Variants in CNTNAP2 observed in about 807,000 individuals in gnomAD.
The protein encoded by CNTNAP2 is contactin-associated protein-like 2.
Under a neutral mutation model 155.2 loss-of-function variants are expected in CNTNAP2, and 98 were observed. The observed-to-expected ratio is 0.63, with a 90% CI of 0.54 to 0.75. The LOEUF (loss-of-function observed/expected upper bound fraction) is 0.75. Ranked by LOEUF, CNTNAP2 falls within the 30% of genes least tolerant of loss-of-function variation. The pLI is 0.00. For synonymous variants in CNTNAP2, 651 were observed against 631.2 expected (o/e 1.03, Z -0.47); for missense variants, 1,727 against 1,688.1 (o/e 1.02, Z -0.40).
At chr7:148,212,725 C>G (rs1795570917) in intron 18 of CNTNAP2, among the ~76,000 whole-genome samples, 1 of 152,062 alleles carries the variant, frequency 6.6e-6, no homozygotes, top group African/African-American at 2.4e-5. Context: ...TTTAGAATAT[C>G]TTTTAGATAT....
At chr7:147,212,155 T>C (rs950909194) in intron 8 of CNTNAP2, among the ~76,000 whole-genome samples, 7 of 152,098 alleles carry the variant, frequency 4.6e-5, no homozygotes, top group Non-Finnish European at 2.9e-5. Flanking sequence ...GGTAGGAATA[T>C]AAATTAGCCC....
At chr7:146,644,138 T>C (rs1017403811) in intron 1 of CNTNAP2, among the ~76,000 whole-genome samples, 1 of 152,210 alleles carries the variant, frequency 6.6e-6, no homozygotes, top group Non-Finnish European at 1.5e-5. Context: ...CTTTTCCTAA[T>C]TGAATACCCT....
chr7:146,738,215 T>C (rs963758911), intron 1 of CNTNAP2, among the ~76,000 whole-genome samples: 1 of 152,092 alleles, frequency 6.6e-6, no homozygotes, highest in Non-Finnish European at 1.5e-5. Context: ...CTAACAGGTA[T>C]AAGGTGATAT....
intron 15 of CNTNAP2, among the ~76,000 whole-genome samples, chr7:148,097,213 C>A (rs1456084508): frequency 6.6e-6 from 1 of 151,764 alleles, no homozygotes; most frequent in Non-Finnish European, 1.5e-5. Flanking sequence ...GAAGTTGAAC[C>A]AGCCCGGCCA....
chr7:146,125,358 C>T (rs1334850075), intron 1 of CNTNAP2, among the ~76,000 whole-genome samples: 1 of 151,938 alleles, frequency 6.6e-6, no homozygotes, highest in South Asian at 2.1e-4. Flanking sequence ...AGGCGGATCA[C>T]GAGGTCAGGA....
intron 9 of CNTNAP2, among the ~76,000 whole-genome samples, chr7:147,301,639 TG>T (rs2116773033): frequency 1.4e-5 from 2 of 139,088 alleles, no homozygotes; most frequent in South Asian, 4.7e-4. Flanking sequence ...TGTGTGTGTG[TG>T]TGTGTTCTAG....
intron 11 of CNTNAP2, among the ~76,000 whole-genome samples, chr7:147,512,550 T>C (rs537721139): frequency 6.6e-6 from 1 of 152,188 alleles, no homozygotes; most frequent in Admixed American, 6.5e-5. Flanking sequence ...AGTAGGAAAA[T>C]TTTCATGATA....
intron 13 of CNTNAP2, among the ~76,000 whole-genome samples, chr7:147,858,814 A>G (rs1032180459): frequency 6.6e-6 from 1 of 152,202 alleles, no homozygotes; most frequent in African/African-American, 2.4e-5. Context: ...ATGCATGGAA[A>G]TATTCTCCCC....
At chr7:146,558,512 C>G (rs1200742298) in intron 1 of CNTNAP2, among the ~76,000 whole-genome samples, 1 of 152,090 alleles carries the variant, frequency 6.6e-6, no homozygotes, top group African/African-American at 2.4e-5. Flanking sequence ...CCCTTGAAGC[C>G]ATCACCACAA....
intron 3 of CNTNAP2, among the ~76,000 whole-genome samples, chr7:146,911,037 C>T (rs2129216931): frequency 6.6e-6 from 1 of 151,784 alleles, no homozygotes; most frequent in South Asian, 2.1e-4. Flanking sequence ...TTTATGCAGC[C>T]AAAAAACACA....
chr7:148,163,951 T>C (rs1420341988), intron 17 of CNTNAP2, among the ~76,000 whole-genome samples: 1 of 152,250 alleles, frequency 6.6e-6, no homozygotes, highest in Non-Finnish European at 1.5e-5. Context: ...TTTTGTTTTT[T>C]TGAGACACAG....
intron 15 of CNTNAP2, among the ~76,000 whole-genome samples, chr7:148,041,161 C>T (rs1045329674): frequency 6.6e-6 from 1 of 152,208 alleles, no homozygotes. Context: ...AAGGGACATT[C>T]ATACTTATTT....
At chr7:146,600,162 TAGTC>T (rs1050626099) in intron 1 of CNTNAP2, among the ~76,000 whole-genome samples, 1 of 152,002 alleles carries the variant, frequency 6.6e-6, no homozygotes, top group Non-Finnish European at 1.5e-5. Flanking sequence ...CACTCCATAA[TAGTC>T]AGTTTTCAGG....
chr7:148,123,451 G>A, intron 16 of CNTNAP2, among the ~76,000 whole-genome samples: 1 of 152,206 alleles, frequency 6.6e-6, no homozygotes, highest in East Asian at 1.9e-4. Flanking sequence ...CATTAGCCAG[G>A]CATGGTTGGC....
At chr7:146,316,328 AAAG>A (rs1563034954) in intron 1 of CNTNAP2, among the ~76,000 whole-genome samples, 2 of 152,120 alleles carry the variant, frequency 1.3e-5, no homozygotes, top group Non-Finnish European at 2.9e-5. Flanking sequence ...AGGAGAGAGA[AAAG>A]AGGCTGAACA....
In CNTNAP2 at chr7:148,252,586, G is replaced by A. The variant is rs2116817936; in HGVS notation, c.3382-14447G>A. ...AGTAGCCTCTATTGACTATTTCAGGGTCGGGGAGAGGGGTACACAGCACAT... is the reference window on the plus strand; with the variant it reads ...AGTAGCCTCTATTGACTATTTCAGGATCGGGGAGAGGGGTACACAGCACAT... On this transcript the variant is annotated intron_variant, in intron 20 of 23. Transcript: ENST00000361727. Among the ~76,000 whole-genome samples, 2 of 152,288 alleles carry A rather than the reference G, an allele frequency of 1.3e-5. 1 individual carries two copies.
At chr7:147,955,932 G>A (rs1281112971) in intron 14 of CNTNAP2, among the ~76,000 whole-genome samples, 1 of 152,174 alleles carries the variant, frequency 6.6e-6, no homozygotes, top group Non-Finnish European at 1.5e-5. Flanking sequence ...TCAAACCACA[G>A]TTTAACAGAG....
chr7:148,181,827 G>A (rs189263125), intron 18 of CNTNAP2, among the ~76,000 whole-genome samples: 13 of 120,646 alleles, frequency 1.1e-4, no homozygotes, highest in African/African-American at 3.5e-4. Context: ...GCACAAACTC[G>A]GCTCACTGCA....
chr7:146,854,085 A>G (rs73740891), intron 3 of CNTNAP2, among the ~76,000 whole-genome samples: 5,584 of 152,194 alleles, frequency 0.037, 336 homozygotes, highest in African/African-American at 0.13. Context: ...GGGAATACTG[A>G]CTGTAGCAGC....
Sources: gnomAD v4.1 joint callset for allele counts (sites outside exome capture counted in the v4.1 genomes callset) on GRCh38, gnomAD v4.1.1 for gene constraint, MANE v1.5 for transcripts, NCBI Gene and HGNC (gene_info 2026-07-23, HGNC 2026-07-21) for gene names.